The following RBMS3 variants were observed in gnomAD, a reference collection of about 807,000 sequenced individuals.
The protein encoded by RBMS3 is RNA binding motif single stranded interacting protein 3, also known as RNA-binding motif, single-stranded-interacting protein 3.
A neutral mutation model predicts 66.8 loss-of-function variants in RBMS3; 27 were observed. That is an observed-to-expected ratio of 0.40 (90% CI 0.30 to 0.56). The LOEUF (loss-of-function observed/expected upper bound fraction) is 0.56, where lower values mean the gene tolerates loss of function less well. Ranked by LOEUF, RBMS3 falls within the 20% of genes least tolerant of loss-of-function variation. The pLI is 0.40. For synonymous variants in RBMS3, 188 were observed against 183.0 expected (o/e 1.03, Z -0.22); for missense variants, 513 against 549.5 (o/e 0.93, Z 0.66).
At position 30,004,461 on chromosome 3, in the gene RBMS3, A is replaced by T. The variant is rs1386958159; in HGVS notation, c.*599A>T. 1.3e-5 allele frequency: 2 copies of T among 152,270 alleles called. No homozygotes were observed. The highest frequency in any genetic ancestry group is 2.9e-5 in the Non-Finnish European group (2 of 67,828). 9.4% of individuals were successfully genotyped at this position (152,270 alleles called of 1,614,324 possible). A position where few individuals can be genotyped will look rare whatever the true frequency, so the allele number is the denominator to read the frequency against. ...TCTTGTTGAAAACAAAAATCAAGAA[A>T]GAATTGAAATACTGTGCCGGCTTTC... is the stretch of plus-strand genomic sequence containing the variant. On this transcript the variant is annotated 3_prime_UTR_variant, in exon 15 of 15. Coordinates refer to ENST00000383767, the MANE Select transcript of RBMS3 (RefSeq NM_001003793.3).
intron 4 of RBMS3, among the ~76,000 whole-genome samples, chr3:29,592,187 A>AAC (rs1186129737): frequency 2.1e-5 from 3 of 145,636 alleles, no homozygotes; most frequent in East Asian, 2.1e-4. Context: ...TTTAAATTCA[A>AAC]ACACACATAC....
intron 5 of RBMS3, among the ~76,000 whole-genome samples, chr3:29,743,722 T>A (rs190326942): frequency 4.0e-5 from 6 of 151,736 alleles, no homozygotes; most frequent in African/African-American, 1.5e-4. Flanking sequence ...ACTCAATTAT[T>A]TGCATTTCTT....
intron 6 of RBMS3, among the ~76,000 whole-genome samples, chr3:29,807,732 A>C (rs2057602124): frequency 7.1e-6 from 1 of 140,626 alleles, no homozygotes; most frequent in Non-Finnish European, 1.6e-5. Flanking sequence ...TCATGAGATG[A>C]AGCTCAATCT....
At chr3:29,673,946 A>T (rs1173484327) in intron 4 of RBMS3, among the ~76,000 whole-genome samples, 1 of 152,176 alleles carries the variant, frequency 6.6e-6, no homozygotes, top group African/African-American at 2.4e-5. Context: ...CAGAGATACA[A>T]CAAAAAAAGA....
At chr3:29,819,983 C>T (rs1248328741) in intron 6 of RBMS3, among the ~76,000 whole-genome samples, 1 of 151,852 alleles carries the variant, frequency 6.6e-6, no homozygotes, top group South Asian at 2.1e-4. Flanking sequence ...TCACTTGAGT[C>T]CAGGAGTTTG....
At chr3:29,663,961 T>G (rs1376197833) in intron 4 of RBMS3, among the ~76,000 whole-genome samples, 1 of 152,224 alleles carries the variant, frequency 6.6e-6, no homozygotes, top group Non-Finnish European at 1.5e-5. Flanking sequence ...TGGCTTCAAT[T>G]ATCTATTATT....
At chr3:29,893,606 C>T (rs893861798) in intron 8 of RBMS3, among the ~76,000 whole-genome samples, 1 of 151,476 alleles carries the variant, frequency 6.6e-6, no homozygotes, top group East Asian at 1.9e-4. Flanking sequence ...AAATACTGTT[C>T]ACTGCCTTAC....
chr3:29,393,775 G>A (rs1006067812), intron 1 of RBMS3, among the ~76,000 whole-genome samples: 1 of 148,984 alleles, frequency 6.7e-6, no homozygotes, highest in African/African-American at 2.5e-5. Context: ...TGTATTGGCA[G>A]GTTCCGTGAT....
chr3:29,748,097 A>G (rs1371837), intron 5 of RBMS3, among the ~76,000 whole-genome samples: 1 of 151,998 alleles, frequency 6.6e-6, no homozygotes, highest in African/African-American at 2.4e-5. Flanking sequence ...AGGTAAGAGA[A>G]TGATGTTCTG....
intron 12 of RBMS3, among the ~76,000 whole-genome samples, chr3:29,986,641 TTG>T (rs1698408862): frequency 6.6e-6 from 1 of 152,206 alleles, no homozygotes; most frequent in Non-Finnish European, 1.5e-5. Flanking sequence ...TAGAGTAATC[TTG>T]TTGAAAAGGC....
At chr3:29,816,291 GACACACACAGACACACACAGACACAC>G (rs1423883796) in intron 6 of RBMS3, among the ~76,000 whole-genome samples, 7 of 131,174 alleles carry the variant, frequency 5.3e-5, no homozygotes, top group East Asian at 2.5e-4. Flanking sequence ...CGCACACACA[GACACACACAGACACACACAGACACAC>G]ACACACACAC....
chr3:29,434,969 G>T, intron 2 of RBMS3, 54 bp downstream of exon 2: 2 of 1,540,602 alleles, frequency 1.3e-6, no homozygotes, highest in Non-Finnish European at 1.8e-6. Flanking sequence ...TTGCCTTGGT[G>T]GGCAGGATGT....
chr3:29,941,661 A>G (rs999900436), intron 11 of RBMS3, among the ~76,000 whole-genome samples: 10 of 151,758 alleles, frequency 6.6e-5, no homozygotes, highest in Non-Finnish European at 1.3e-4. Context: ...GTTGTTTAAA[A>G]AAATGAATTC....
chr3:29,787,986 T>A (rs1346755263), intron 6 of RBMS3, among the ~76,000 whole-genome samples: 1 of 152,178 alleles, frequency 6.6e-6, no homozygotes, highest in Non-Finnish European at 1.5e-5. Flanking sequence ...TATTTAAAAA[T>A]TCAAGAACTT....
At chr3:29,368,585 T>G (rs2125596285) in intron 1 of RBMS3, among the ~76,000 whole-genome samples, 1 of 152,298 alleles carries the variant, frequency 6.6e-6, no homozygotes, top group Non-Finnish European at 1.5e-5. Flanking sequence ...AGGTCTTCAC[T>G]TTCAGTTTAA....
At chr3:29,747,442 A>C (rs1439094754) in intron 5 of RBMS3, among the ~76,000 whole-genome samples, 1 of 139,572 alleles carries the variant, frequency 7.2e-6, no homozygotes, top group South Asian at 2.2e-4. Context: ...AGATAGATAG[A>C]TAGATAGATG....
chr3:29,363,819 G>GT (rs1238716080), intron 1 of RBMS3, among the ~76,000 whole-genome samples: 2 of 149,100 alleles, frequency 1.3e-5, no homozygotes, highest in Admixed American at 1.3e-4. Flanking sequence ...AAAAAAACCT[G>GT]TTTTTTAGCA....
At chr3:29,317,741 C>T (rs953969439) in intron 1 of RBMS3, among the ~76,000 whole-genome samples, 2 of 151,778 alleles carry the variant, frequency 1.3e-5, no homozygotes, top group African/African-American at 4.8e-5. Flanking sequence ...AGTAATGTCA[C>T]ATCATTTAAA....
At chr3:29,675,337 A>G (rs1471511538) in intron 4 of RBMS3, among the ~76,000 whole-genome samples, 2 of 152,222 alleles carry the variant, frequency 1.3e-5, no homozygotes, top group East Asian at 3.8e-4. Context: ...AAGAAAACCT[A>G]GGCAGTATCA....
Sources: allele counts gnomAD v4.1 joint callset (sites outside exome capture counted in the v4.1 genomes callset), GRCh38; gene constraint gnomAD v4.1.1; transcripts MANE v1.5; gene names NCBI Gene and HGNC (gene_info 2026-07-23, HGNC 2026-07-21).